The following RPS6KC1 variants were observed in gnomAD, a reference collection of about 807,000 sequenced individuals.
RPS6KC1 encodes the protein ribosomal protein S6 kinase C1, also known as inactive ribosomal protein S6 kinase delta-1.
A neutral mutation model predicts 103.8 loss-of-function variants in RPS6KC1; 54 were observed. The ratio of observed to expected loss-of-function variants is 0.52; its 90% CI spans 0.42 to 0.65. The LOEUF (loss-of-function observed/expected upper bound fraction) is 0.65. Among genes scored for constraint, RPS6KC1 ranks in the 30% least tolerant of loss-of-function variants. The pLI is 0.00. For missense variants in RPS6KC1, 1,151 were observed against 1,253.8 expected (o/e 0.92, Z 1.24); for synonymous variants, 439 against 438.7 (o/e 1.00, Z -0.01).
At chr1:213,331,593 C>T in the RPS6KC1 span, among the ~76,000 whole-genome samples, 1 of 152,200 alleles carries the variant, frequency 6.6e-6, no homozygotes, top group East Asian at 1.9e-4. Context: ...GCACCTGCGT[C>T]CTGTGCACTG....
At chr1:213,817,265 C>T in the RPS6KC1 span, among the ~76,000 whole-genome samples, 4 of 152,222 alleles carry the variant, frequency 2.6e-5, no homozygotes, top group Non-Finnish European at 4.4e-5. Context: ...GGTCTCCTTC[C>T]GTCCCTGGAC....
In RPS6KC1 at chr1:213,242,145, A is replaced by G. The variant is rs1400310464; in HGVS notation, c.2669A>G (p.Asp890Gly). Residue 890 changes from aspartate to glycine, a missense_variant, in exon 11 of 15, where the codon GAT becomes GGT. By Grantham distance (94) the Asp-to-Gly change is moderately conservative. Coordinates refer to ENST00000366960, the MANE Select transcript of RPS6KC1 (RefSeq NM_012424.6). ...KEIHQIFEDL[D>G]KKLALASRFY... ...ATACATCAGATTTTTGAGGACCTTG[A>G]TAAAAAATTAGCACTAGCCTCCAGG... The G allele has an allele frequency of 2.5e-6, 4 of 1,613,722 alleles. No individual in the cohort carries two copies. The highest frequency in any genetic ancestry group is 2.7e-5 in the African/African-American group (2 of 74,924).
chr1:213,380,930 G>C, the RPS6KC1 span, among the ~76,000 whole-genome samples: 1 of 152,142 alleles, frequency 6.6e-6, no homozygotes, highest in Non-Finnish European at 1.5e-5. Flanking sequence ...GGGTCTTAGG[G>C]AACACCATTT....
At chr1:213,423,582 T>G in the RPS6KC1 span, among the ~76,000 whole-genome samples, 1 of 152,162 alleles carries the variant, frequency 6.6e-6, no homozygotes, top group African/African-American at 2.4e-5. Context: ...GCTGAAAACT[T>G]TATTTAAAAA....
chr1:213,139,567 A>G (rs1025284857), intron 6 of RPS6KC1, among the ~76,000 whole-genome samples: 4 of 152,114 alleles, frequency 2.6e-5, no homozygotes, highest in Non-Finnish European at 5.9e-5. Context: ...TATGGTAGCC[A>G]GTTATCCCAG....
At chr1:213,206,149 AT>A (rs1297752182) in intron 8 of RPS6KC1, among the ~76,000 whole-genome samples, 1 of 152,178 alleles carries the variant, frequency 6.6e-6, no homozygotes, top group African/African-American at 2.4e-5. Flanking sequence ...GTTTCCTAAC[AT>A]TTTTAGAGAT....
At chr1:213,572,645 C>A in the RPS6KC1 span, among the ~76,000 whole-genome samples, 1 of 152,094 alleles carries the variant, frequency 6.6e-6, no homozygotes, top group Non-Finnish European at 1.5e-5. Context: ...GAAATAGCTT[C>A]ATTGTTTGAG....
At chr1:213,848,311 G>A in the RPS6KC1 span, among the ~76,000 whole-genome samples, 2 of 151,946 alleles carry the variant, frequency 1.3e-5, no homozygotes, top group African/African-American at 2.4e-5. Context: ...CTTTATTCCT[G>A]ACCACAGGCA....
chr1:213,581,076 A>G, the RPS6KC1 span, among the ~76,000 whole-genome samples: 1 of 152,022 alleles, frequency 6.6e-6, no homozygotes, highest in African/African-American at 2.4e-5. Context: ...AACCAATCCC[A>G]CATGAATTCT....
chr1:213,177,527 A>G (rs898670067), intron 8 of RPS6KC1, among the ~76,000 whole-genome samples: 1 of 152,232 alleles, frequency 6.6e-6, no homozygotes, highest in Non-Finnish European at 1.5e-5. Context: ...GTTGGATATT[A>G]CATAAAGCTG....
chr1:213,661,559 A>G, the RPS6KC1 span, among the ~76,000 whole-genome samples: 133,199 of 152,236 alleles, frequency 0.87, 58,296 homozygotes, highest in Non-Finnish European at 0.89. Flanking sequence ...GGAGGAAGTC[A>G]GAGGCGGGGG....
the RPS6KC1 span, among the ~76,000 whole-genome samples, chr1:213,331,971 C>A: frequency 2.6e-5 from 4 of 151,164 alleles, no homozygotes; most frequent in Non-Finnish European, 5.9e-5. Flanking sequence ...TCTGTTTGGG[C>A]TCCCAGATGT....
the RPS6KC1 span, among the ~76,000 whole-genome samples, chr1:213,379,778 C>T: frequency 6.6e-6 from 1 of 152,194 alleles, no homozygotes; most frequent in East Asian, 1.9e-4. Context: ...ACAGTGAGGT[C>T]CCGTCTCACA....
intron 5 of RPS6KC1, among the ~76,000 whole-genome samples, chr1:213,121,520 T>C (rs1260338708): frequency 1.3e-5 from 2 of 152,252 alleles, no homozygotes; most frequent in African/African-American, 4.8e-5. Flanking sequence ...ATTATGTCTA[T>C]TTCAACTTAT....
At chr1:213,764,019 A>G in the RPS6KC1 span, among the ~76,000 whole-genome samples, 1 of 152,214 alleles carries the variant, frequency 6.6e-6, no homozygotes, top group Non-Finnish European at 1.5e-5. Flanking sequence ...CCCTTCCTGA[A>G]AGAGCTGAAA....
chr1:213,222,890 G>C (rs2093870407), intron 8 of RPS6KC1, among the ~76,000 whole-genome samples: 1 of 152,162 alleles, frequency 6.6e-6, no homozygotes, highest in African/African-American at 2.4e-5. Context: ...ACCAGCTCTT[G>C]TAAATTTGCC....
At chr1:213,844,460 A>G in the RPS6KC1 span, among the ~76,000 whole-genome samples, 1 of 152,192 alleles carries the variant, frequency 6.6e-6, no homozygotes. Flanking sequence ...TATTCTTATT[A>G]TTAGTATTCC....
At chr1:213,462,519 G>A in the RPS6KC1 span, among the ~76,000 whole-genome samples, 24 of 152,308 alleles carry the variant, frequency 1.6e-4, no homozygotes, top group South Asian at 4.8e-3. Flanking sequence ...GTCCATTAAT[G>A]ATAGACTGGA....
chr1:213,558,289 C>T, the RPS6KC1 span, among the ~76,000 whole-genome samples: 1 of 152,184 alleles, frequency 6.6e-6, no homozygotes, highest in African/African-American at 2.4e-5. Flanking sequence ...AGAGTGGGAA[C>T]TTGCCAACCA....
Sources: allele counts gnomAD v4.1 joint callset (sites outside exome capture counted in the v4.1 genomes callset), GRCh38; gene constraint gnomAD v4.1.1; transcripts MANE v1.5; gene names NCBI Gene and HGNC (gene_info 2026-07-23, HGNC 2026-07-21).